Variants in KIAA1958 observed in about 807,000 individuals in gnomAD.
KIAA1958 encodes the protein KIAA1958.
A neutral mutation model predicts 47.2 loss-of-function variants in KIAA1958; 14 were observed. That is an observed-to-expected ratio of 0.30 (90% CI 0.20 to 0.46). The LOEUF is 0.46. Among genes scored for constraint, KIAA1958 ranks in the 20% least tolerant of loss-of-function variants. The pLI is 1.00. For synonymous variants in KIAA1958, 354 were observed against 353.3 expected, an observed-to-expected ratio of 1.00 and a Z score of -0.02; for missense variants, 803 against 909.2, an observed-to-expected ratio of 0.88 and a Z score of 1.50.
At chr9:112,498,730 C>T (rs1057387379) in intron 1 of KIAA1958, among the ~76,000 whole-genome samples, 11 of 152,150 alleles carry the variant, frequency 7.2e-5, no homozygotes, top group South Asian at 2.1e-4. Flanking sequence ...GTAATTAGGA[C>T]ACCCATCCTT....
At chr9:112,495,996 A>C (rs769618761) in intron 1 of KIAA1958, among the ~76,000 whole-genome samples, 3 of 152,206 alleles carry the variant, frequency 2.0e-5, no homozygotes, top group Non-Finnish European at 4.4e-5. Flanking sequence ...AACTTGAGTG[A>C]GGCCATCTTT....
chr9:112,603,524 C>G (rs1219024429), intron 2 of KIAA1958, among the ~76,000 whole-genome samples: 1 of 152,160 alleles, frequency 6.6e-6, no homozygotes, highest in Non-Finnish European at 1.5e-5. Flanking sequence ...CCACCCAGTT[C>G]CACCATGGAT....
Position 112,569,563 on chromosome 9 carries a change from A to G in KIAA1958, c.-24-4494A>G, listed in dbSNP as rs1469902285. 2.6e-5 allele frequency among the ~76,000 whole-genome samples: 4 copies of G among 152,126 alleles called. 1 individual carries two copies. The highest frequency in any genetic ancestry group is 9.7e-5 in the African/African-American group (4 of 41,420). On this transcript the variant is annotated intron_variant, in intron 1 of 3. Transcript: ENST00000337530. ...CTCATCTGAATTTCCTGCCAAATGC[A>G]TTAGGCTGAATGGGAAACACAAACT...
At chr9:112,621,796 T>C (rs1449140663) in intron 2 of KIAA1958, among the ~76,000 whole-genome samples, 2 of 152,186 alleles carry the variant, frequency 1.3e-5, no homozygotes, top group African/African-American at 4.8e-5. Flanking sequence ...TCACCCAGGC[T>C]GGAGTGCAGA....
intron 3 of KIAA1958, among the ~76,000 whole-genome samples, chr9:112,651,383 C>A (rs946492816): frequency 1.4e-5 from 2 of 143,214 alleles, no homozygotes; most frequent in Non-Finnish European, 3.0e-5. Flanking sequence ...TTATATTTCT[C>A]TATATATATA....
chr9:112,596,406 T>G (rs902443395), intron 2 of KIAA1958, among the ~76,000 whole-genome samples: 1 of 152,206 alleles, frequency 6.6e-6, no homozygotes, highest in Non-Finnish European at 1.5e-5. Context: ...TTTAACACTT[T>G]GTATACTGTT....
intron 1 of KIAA1958, among the ~76,000 whole-genome samples, chr9:112,506,018 C>T (rs534779041): frequency 3.3e-5 from 5 of 152,166 alleles, no homozygotes; most frequent in East Asian, 3.9e-4. Context: ...GACAGAAGAC[C>T]GCTGAACTCA....
intron 2 of KIAA1958, among the ~76,000 whole-genome samples, chr9:112,598,112 A>AT (rs1025856316): frequency 6.6e-5 from 10 of 151,780 alleles, no homozygotes; most frequent in East Asian, 3.9e-4. Flanking sequence ...ATAATGGAAG[A>AT]TTTTTTTTTA....
At chr9:112,596,656 C>G (rs190315159) in intron 2 of KIAA1958, among the ~76,000 whole-genome samples, 7 of 152,244 alleles carry the variant, frequency 4.6e-5, no homozygotes, top group South Asian at 2.1e-4. Flanking sequence ...TAGAAATCAG[C>G]ATCCTCCTAT....
intron 1 of KIAA1958, among the ~76,000 whole-genome samples, chr9:112,505,241 C>A (rs1314393577): frequency 6.6e-6 from 1 of 152,094 alleles, no homozygotes; most frequent in Non-Finnish European, 1.5e-5. Flanking sequence ...ATAATGAGTT[C>A]TTTAGGCTAG....
chr9:112,599,771 A>G (rs1368161532), intron 2 of KIAA1958, among the ~76,000 whole-genome samples: 1 of 152,238 alleles, frequency 6.6e-6, no homozygotes, highest in Non-Finnish European at 1.5e-5. Flanking sequence ...GATGTCTTGT[A>G]TATCAAAGTC....
intron 1 of KIAA1958, among the ~76,000 whole-genome samples, chr9:112,540,848 T>C (rs1263153732): frequency 6.6e-6 from 1 of 152,030 alleles, no homozygotes; most frequent in Non-Finnish European, 1.5e-5. Context: ...CCTGAGTAGC[T>C]AGGGCTACAG....
rs142264952 is a variant in KIAA1958, at chr9:112,501,276, C to CAA, written c.-25+14167_-25+14168dup. Among the ~76,000 whole-genome samples the CAA allele has an allele frequency of 5.5e-3, 784 of 143,568 alleles. 10 individuals carry two copies. Among genetic ancestry groups the CAA allele is most frequent in the African/African-American group, 0.018 (717 of 39,166 alleles). The allele number at this position is 143,568 out of a possible 152,430, so 94.2% of individuals were successfully genotyped here. On this transcript the variant is annotated intron_variant, in intron 1 of 3. Coordinates refer to ENST00000337530, the MANE Select transcript of KIAA1958 (RefSeq NM_133465.4). The stretch of plus-strand genomic sequence containing the variant: ...CAACAAAGCAAGACCCTTGTCTTTA[C>CAA]AAAAAAAAAAGAGAAAATTAATCAG...
At chr9:112,602,594 T>TG (rs542634640) in intron 2 of KIAA1958, among the ~76,000 whole-genome samples, 91 of 152,292 alleles carry the variant, frequency 6.0e-4, no homozygotes, top group African/African-American at 2.1e-3. Context: ...GGACTTTAGT[T>TG]GAAGTATTAT....
intron 2 of KIAA1958, chr9:112,582,693 C>T (rs1173176595): frequency 6.7e-6 from 1 of 148,446 alleles, no homozygotes; most frequent in Admixed American, 6.7e-5. Flanking sequence ...CTTATTTCAA[C>T]TAAAGGGAGG....
chr9:112,567,713 C>T (rs530436602), intron 1 of KIAA1958, among the ~76,000 whole-genome samples: 7 of 152,156 alleles, frequency 4.6e-5, no homozygotes, highest in African/African-American at 1.4e-4. Context: ...AATCCCAGCA[C>T]TTTGGGAGGC....
At chr9:112,612,260 G>A (rs1836340058) in intron 2 of KIAA1958, among the ~76,000 whole-genome samples, 1 of 151,830 alleles carries the variant, frequency 6.6e-6, no homozygotes, top group African/African-American at 2.4e-5. Context: ...AAAAAAACAT[G>A]TATTTTTTTA....
chr9:112,565,527 G>A (rs1332563474), intron 1 of KIAA1958, among the ~76,000 whole-genome samples: 1 of 152,146 alleles, frequency 6.6e-6, no homozygotes, highest in Non-Finnish European at 1.5e-5. Context: ...AAATGTAGAA[G>A]CAGCATTGTT....
rs10629493 is a variant in KIAA1958, at chr9:112,487,857, C to CTTT, written c.-25+746_-25+748dup. Reference sequence around the variant, plus strand: ...AAGAATGTTTTTGGTTCCTTCAAGTCTTTTTTTTTCTTTAAGGTTTTAGAT... The same window carrying CTTT: ...AAGAATGTTTTTGGTTCCTTCAAGTCTTTTTTTTTTTTCTTTAAGGTTTTAGAT... On this transcript the variant is annotated intron_variant, in intron 1 of 3. Coordinates refer to ENST00000337530, the MANE Select transcript of KIAA1958 (RefSeq NM_133465.4). Among the ~76,000 whole-genome samples, 69 of 149,066 alleles carry CTTT rather than the reference C, an allele frequency of 4.6e-4. 2 individuals carry two copies. Among genetic ancestry groups the CTTT allele is most frequent in the East Asian group, 3.5e-3 (18 of 5,106 alleles).
Sources: allele counts gnomAD v4.1 joint callset (sites outside exome capture counted in the v4.1 genomes callset), GRCh38; gene constraint gnomAD v4.1.1; transcripts MANE v1.5; gene names NCBI Gene and HGNC (gene_info 2026-07-23, HGNC 2026-07-21).